The following SLC24A2 variants were observed in gnomAD, a reference collection of about 807,000 sequenced individuals.
The protein encoded by SLC24A2 is sodium/potassium/calcium exchanger 2.
SLC24A2 carries 36 observed loss-of-function variants against 62.0 expected under a neutral mutation model. The observed-to-expected ratio is 0.58, with a 90% CI of 0.44 to 0.77. The LOEUF is 0.77. Among genes scored for constraint, SLC24A2 ranks in the 30% least tolerant of loss-of-function variants. The pLI, the probability that SLC24A2 is intolerant of heterozygous loss-of-function variation, is 0.00. For missense variants in SLC24A2, 846 were observed against 817.9 expected (o/e 1.03, Z -0.42); for synonymous variants, 358 against 294.0 (o/e 1.22, Z -2.23).
chr9:20,026,205 T>G, the SLC24A2 span, among the ~76,000 whole-genome samples: 3 of 151,680 alleles, frequency 2.0e-5, no homozygotes, highest in Admixed American at 6.6e-5. Context: ...TGAATTAAGG[T>G]GGTAAAAAAA....
the SLC24A2 span, among the ~76,000 whole-genome samples, chr9:20,079,429 A>G: frequency 6.6e-6 from 1 of 152,176 alleles, no homozygotes; most frequent in Non-Finnish European, 1.5e-5. Flanking sequence ...ATAAACATAC[A>G]TATGCCTTGC....
chr9:20,304,301 G>A, the SLC24A2 span, among the ~76,000 whole-genome samples: 1 of 152,162 alleles, frequency 6.6e-6, no homozygotes, highest in Non-Finnish European at 1.5e-5. Flanking sequence ...CCCGGGAGCG[G>A]ATTCTGCAAA....
the SLC24A2 span, among the ~76,000 whole-genome samples, chr9:20,070,068 A>G: frequency 6.6e-6 from 1 of 152,180 alleles, no homozygotes; most frequent in African/African-American, 2.4e-5. Flanking sequence ...TATTTATTTC[A>G]GAAACTTCCT....
chr9:20,011,586 C>T, the SLC24A2 span, among the ~76,000 whole-genome samples: 8 of 152,072 alleles, frequency 5.3e-5, no homozygotes, highest in Admixed American at 6.5e-5. Context: ...AGAAAACTAA[C>T]ATTTGTGTTA....
Position 19,693,118 on chromosome 9 carries a change from C to A in SLC24A2, c.931-70819G>T, listed in dbSNP as rs111369171. Among the ~76,000 whole-genome samples, 232 of 152,042 alleles carry A rather than the reference C, an allele frequency of 1.5e-3. 1 individual carries two copies. The highest frequency in any genetic ancestry group is 5.5e-3 in the African/African-American group (228 of 41,514). ...CTTATTTATTTTTATTATTATTATT[C>A]TTTAAGTTCCAGGGTACATGTGCAC... On this transcript the variant is annotated intron_variant, in intron 2 of 10. Coordinates refer to ENST00000341998, the MANE Select transcript of SLC24A2 (RefSeq NM_020344.4).
chr9:20,206,974 C>A, the SLC24A2 span, among the ~76,000 whole-genome samples: 1 of 151,870 alleles, frequency 6.6e-6, no homozygotes, highest in Admixed American at 6.6e-5. Context: ...TGCCATTATG[C>A]CATTATACTT....
chr9:20,249,378 C>G, the SLC24A2 span, among the ~76,000 whole-genome samples: 1 of 152,094 alleles, frequency 6.6e-6, no homozygotes, highest in African/African-American at 2.4e-5. Flanking sequence ...GACAATAATA[C>G]TTAACTGTGG....
At chr9:20,128,767 A>G in the SLC24A2 span, among the ~76,000 whole-genome samples, 1 of 152,118 alleles carries the variant, frequency 6.6e-6, no homozygotes, top group African/African-American at 2.4e-5. Flanking sequence ...ATGCAAAAGA[A>G]TGAAGTTTGA....
the SLC24A2 span, among the ~76,000 whole-genome samples, chr9:20,049,257 C>T: frequency 2.0e-5 from 3 of 152,152 alleles, no homozygotes; most frequent in Admixed American, 1.3e-4. Context: ...ACCATCACAT[C>T]GATCCATCAA....
chr9:19,535,660 T>G (rs1287198668), intron 8 of SLC24A2, among the ~76,000 whole-genome samples: 1 of 152,144 alleles, frequency 6.6e-6, no homozygotes, highest in Admixed American at 6.5e-5. Flanking sequence ...ATTAGATGAT[T>G]GTAGATGTGT....
At chr9:19,798,834 A>G in the SLC24A2 span, among the ~76,000 whole-genome samples, 15 of 152,328 alleles carry the variant, frequency 9.8e-5, no homozygotes, top group East Asian at 2.7e-3. Flanking sequence ...TTTTTCTCAA[A>G]TAAGGTATGC....
At chr9:19,839,176 G>C in the SLC24A2 span, among the ~76,000 whole-genome samples, 6 of 152,122 alleles carry the variant, frequency 3.9e-5, no homozygotes, top group African/African-American at 9.7e-5. Flanking sequence ...AAATGCAAAT[G>C]AAAACCACAA....
rs180993861 is a variant in SLC24A2, at chr9:19,567,482, C to T, written c.1347+5869G>A. Among the ~76,000 whole-genome samples, 288 of 143,856 alleles carry T rather than the reference C, an allele frequency of 2.0e-3. 1 individual carries two copies. Among genetic ancestry groups the T allele is most frequent in the African/African-American group, 7.4e-3 (279 of 37,820 alleles). The allele number at this position is 143,856 out of a possible 152,430, so 94.4% of individuals were successfully genotyped here. ...AATGGCGTGAACCCGGGAGGCGGAG[C>T]TTGCAGTGAGCCGAGATAGTGCCAC... is the stretch of plus-strand genomic sequence containing the variant. On this transcript the variant is annotated intron_variant, in intron 7 of 10. Coordinates refer to ENST00000341998, the MANE Select transcript of SLC24A2 (RefSeq NM_020344.4).
At chr9:20,288,733 C>T in the SLC24A2 span, among the ~76,000 whole-genome samples, 41 of 136,708 alleles carry the variant, frequency 3.0e-4, no homozygotes, top group African/African-American at 1.1e-3. Context: ...TGGAGTGAGA[C>T]TCTGTCTCAA....
the SLC24A2 span, among the ~76,000 whole-genome samples, chr9:20,235,890 T>C: frequency 6.6e-6 from 1 of 152,180 alleles, no homozygotes; most frequent in African/African-American, 2.4e-5. Context: ...TTTCTTTCTT[T>C]TTTTAAAATT....
At chr9:20,233,137 T>C in the SLC24A2 span, among the ~76,000 whole-genome samples, 1 of 152,340 alleles carries the variant, frequency 6.6e-6, no homozygotes, top group African/African-American at 2.4e-5. Flanking sequence ...AGGAGTGCTT[T>C]ACTTCCAACT....
chr9:20,105,590 G>C, the SLC24A2 span, among the ~76,000 whole-genome samples: 9 of 152,156 alleles, frequency 5.9e-5, no homozygotes, highest in African/African-American at 2.2e-4. Context: ...ACCTGCTCCT[G>C]AATGACTACT....
intron 4 of SLC24A2, among the ~76,000 whole-genome samples, chr9:19,600,907 A>C (rs1164058485): frequency 6.6e-6 from 1 of 152,148 alleles, no homozygotes; most frequent in Non-Finnish European, 1.5e-5. Flanking sequence ...ACAATAAGCA[A>C]CCTAGACAAG....
chr9:19,526,246 C>G (rs1245933398), intron 9 of SLC24A2, among the ~76,000 whole-genome samples: 2 of 152,154 alleles, frequency 1.3e-5, no homozygotes, highest in African/African-American at 4.8e-5. Flanking sequence ...CTTATCCATT[C>G]ATCAGTTGAT....
Sources: gnomAD v4.1 joint callset for allele counts (sites outside exome capture counted in the v4.1 genomes callset) on GRCh38, gnomAD v4.1.1 for gene constraint, MANE v1.5 for transcripts, NCBI Gene and HGNC (gene_info 2026-07-23, HGNC 2026-07-21) for gene names.